The following TOGARAM2 variants were observed in gnomAD, a reference collection of about 807,000 sequenced individuals.
The protein encoded by TOGARAM2 is TOG array regulator of axonemal microtubules 2.
A neutral mutation model predicts 93.3 loss-of-function variants in TOGARAM2; 85 were observed. The observed-to-expected ratio is 0.91, with a 90% CI of 0.76 to 1.09. The LOEUF is 1.09. Ranked by LOEUF, TOGARAM2 falls within the 50% of genes least tolerant of loss-of-function variation. The probability of loss-of-function intolerance (pLI) is 0.00; values close to 1 mark genes in which losing one functional copy is unlikely to be tolerated. For synonymous variants in TOGARAM2, 593 were observed against 552.8 expected, an observed-to-expected ratio of 1.07 and a Z score of -1.02; for missense variants, 1,277 against 1,334.5, an observed-to-expected ratio of 0.96 and a Z score of 0.67.
At chr2:28,958,445 A>G (rs957239309) in intron 1 of TOGARAM2, among the ~76,000 whole-genome samples, 1 of 151,952 alleles carries the variant, frequency 6.6e-6, no homozygotes, top group Non-Finnish European at 1.5e-5. Context: ...AGCTGGGACT[A>G]TGGGCATGCA....
chr2:28,988,839 C>T (rs532677953), intron 1 of TOGARAM2, among the ~76,000 whole-genome samples: 2 of 152,142 alleles, frequency 1.3e-5, no homozygotes, highest in African/African-American at 2.4e-5. Context: ...ACTAAGCTCC[C>T]GATGATTCCA....
chr2:29,041,025 C>CTTTT (rs59787454), intron 18 of TOGARAM2, among the ~76,000 whole-genome samples: 1 of 137,162 alleles, frequency 7.3e-6, no homozygotes, highest in Non-Finnish European at 1.6e-5. Flanking sequence ...TCTTGAGTCA[C>CTTTT]TTTTTTTTTT....
At chr2:28,967,862 G>C (rs891520187) in intron 1 of TOGARAM2, among the ~76,000 whole-genome samples, 6 of 145,292 alleles carry the variant, frequency 4.1e-5, no homozygotes, top group African/African-American at 1.6e-4. Flanking sequence ...GCCCAGGCTG[G>C]AGTGCAGTGG....
chr2:29,043,492 A>C (rs1666559005), intron 18 of TOGARAM2, among the ~76,000 whole-genome samples: 1 of 151,866 alleles, frequency 6.6e-6, no homozygotes, highest in Non-Finnish European at 1.5e-5. Context: ...AACTCTAAAA[A>C]CTCTGTCCCC....
intron 18 of TOGARAM2, among the ~76,000 whole-genome samples, chr2:29,037,205 GCTT>G (rs955646032): frequency 5.9e-5 from 9 of 152,140 alleles, no homozygotes; most frequent in Non-Finnish European, 1.0e-4. Flanking sequence ...AAAGGTGAGA[GCTT>G]CTAGGTATGA....
chr2:28,977,829 TAG>T (rs746442544), upstream of TOGARAM2, among the ~76,000 whole-genome samples: 11 of 152,052 alleles, frequency 7.2e-5, no homozygotes, highest in Non-Finnish European at 4.4e-5. Flanking sequence ...ACCTCTTTTC[TAG>T]AGAGTCAGTA....
At chr2:28,961,211 CT>C (rs1252424976) in intron 1 of TOGARAM2, among the ~76,000 whole-genome samples, 1 of 152,094 alleles carries the variant, frequency 6.6e-6, no homozygotes, top group African/African-American at 2.4e-5. Context: ...TGATATGCCA[CT>C]GCTTGGAGGC....
chr2:29,017,922 C>T lies in TOGARAM2; in HGVS notation c.1326C>T (p.Ser442=). Residue 442 remains serine, a synonymous_variant, in exon 10 of 20, where the codon AGC becomes AGT. Coordinates refer to ENST00000379558, the MANE Select transcript of TOGARAM2 (RefSeq NM_199280.4). ...CCTCCCTGCCCAGCATCCCCATCAG[C>T]CGGCAGGAGCCCCGCTTTGCCCGCC... ...SRASLPSIPI[S]RQEPRFARHA... 2 of 1,608,734 alleles carry T rather than the reference C, an allele frequency of 1.2e-6. No homozygotes were observed. The highest frequency in any genetic ancestry group is 2.2e-5 in the South Asian group (2 of 90,490).
chr2:29,032,519 A>G (rs1558457181), intron 14 of TOGARAM2, among the ~76,000 whole-genome samples: 1 of 152,218 alleles, frequency 6.6e-6, no homozygotes, highest in Non-Finnish European at 1.5e-5. Flanking sequence ...AATGTTCCAT[A>G]TTAGAACAAA....
intron 10 of TOGARAM2, among the ~76,000 whole-genome samples, chr2:29,021,511 G>A (rs1263599758): frequency 6.6e-6 from 1 of 152,168 alleles, no homozygotes; most frequent in Non-Finnish European, 1.5e-5. Flanking sequence ...CCTGTCCTAG[G>A]AGTTTATGAT....
Position 29,045,349 on chromosome 2 carries a change from TGCTGGGCGAGTGCGTTTCCTGA to T in TOGARAM2, c.2663_2684del (p.Ala888ValfsTer27), listed in dbSNP as rs773823704. 3.1e-6 allele frequency: 5 copies of T among 1,613,730 alleles called. No homozygotes were observed. The highest frequency in any genetic ancestry group is 1.7e-5 in the Admixed American group (1 of 60,032). On this transcript the variant is annotated frameshift_variant, in exon 19 of 20. Transcript: ENST00000379558. LOFTEE classifies it high-confidence loss of function. ...ACAACCTTTGCCTTCTACCAGCGCT[TGCTGGGCGAGTGCGTTTCCTGA>T]GTGGCCGTGCGGTGCTGGATGTCAC...
Position 29,006,712 on chromosome 2 carries a change from C to T in TOGARAM2, c.830+3030C>T, listed in dbSNP as rs1284621073. On this transcript the variant is annotated intron_variant, in intron 6 of 19. Coordinates refer to ENST00000379558, the MANE Select transcript of TOGARAM2 (RefSeq NM_199280.4). Reference sequence around the variant, plus strand: ...TCCGACCCTGTGGGTTATAGAGACCCGTCCATGTACCTGCTCCTGGATTCG... The same window carrying T: ...TCCGACCCTGTGGGTTATAGAGACCTGTCCATGTACCTGCTCCTGGATTCG... Among the ~76,000 whole-genome samples, 3 of 152,126 alleles carry T rather than the reference C, an allele frequency of 2.0e-5. No individual in the cohort carries two copies. The East Asian group carries it at 5.8e-4, about 29-fold the overall frequency.
At chr2:29,003,787 T>C (rs1343414879) in intron 6 of TOGARAM2, 105 bp downstream of exon 6, 40 of 1,099,326 alleles carry the variant, frequency 3.6e-5, no homozygotes, top group Non-Finnish European at 4.8e-5. Flanking sequence ...GGCAGAGTTC[T>C]TGGGACACCA....
At chr2:29,051,666 C>A in intron 19 of TOGARAM2, 90 bp from the exon 20 acceptor site, 1 of 1,152,362 alleles carries the variant, frequency 8.7e-7, no homozygotes, top group South Asian at 1.8e-5. Flanking sequence ...GCTGCCAGCC[C>A]TTTGGGGGAC....
At position 29,023,078 on chromosome 2, in the gene TOGARAM2, C is replaced by T; in HGVS notation, c.1512-8C>T. Reference sequence around the variant, plus strand: ...CCTTCTGCAACAGGGCCTGGCCTTGCTTCTCAGGCAGATGAAGGAGAAGGG... The same window carrying T: ...CCTTCTGCAACAGGGCCTGGCCTTGTTTCTCAGGCAGATGAAGGAGAAGGG... On this transcript the variant is annotated splice_region_variant and splice_polypyrimidine_tract_variant and intron_variant, in intron 11 of 19. Coordinates refer to ENST00000379558, the MANE Select transcript of TOGARAM2 (RefSeq NM_199280.4). 1 of 1,581,534 alleles carries T rather than the reference C, an allele frequency of 6.3e-7. No homozygotes were observed.
intron 1 of TOGARAM2, among the ~76,000 whole-genome samples, chr2:28,958,259 A>G (rs1360427636): frequency 6.6e-6 from 1 of 151,546 alleles, no homozygotes; most frequent in Admixed American, 6.6e-5. Context: ...AATTCTTTTC[A>G]GGTGTCTCCA....
At chr2:29,049,046 T>TA (rs35015286) in intron 19 of TOGARAM2, 1 of 150,698 alleles carries the variant, frequency 6.6e-6, no homozygotes, top group African/African-American at 2.4e-5. Flanking sequence ...TTTTTTTTTT[T>TA]AGTAGAGATG....
At chr2:29,015,270 G>A (rs552421416) in intron 8 of TOGARAM2, among the ~76,000 whole-genome samples, 2 of 152,172 alleles carry the variant, frequency 1.3e-5, no homozygotes, top group Non-Finnish European at 2.9e-5. Flanking sequence ...ATTCAGTGCA[G>A]CGAAACGAGC....
chr2:28,987,274 ACTGT>A (rs1173439329), intron 1 of TOGARAM2, among the ~76,000 whole-genome samples: 2 of 152,142 alleles, frequency 1.3e-5, no homozygotes, highest in Admixed American at 6.5e-5. Context: ...TCTCAATAAG[ACTGT>A]CTGGAAGATG....
Sources: allele counts gnomAD v4.1 joint callset (sites outside exome capture counted in the v4.1 genomes callset), GRCh38; gene constraint gnomAD v4.1.1; transcripts MANE v1.5; gene names NCBI Gene and HGNC (gene_info 2026-07-23, HGNC 2026-07-21).